The following SGCD variants were observed in gnomAD, a reference collection of about 807,000 sequenced individuals.
The protein encoded by SGCD is sarcoglycan delta, also known as delta-sarcoglycan.
SGCD carries 18 observed loss-of-function variants against 36.6 expected under a neutral mutation model. The ratio of observed to expected loss-of-function variants is 0.49; its 90% CI spans 0.34 to 0.73. The LOEUF is 0.73. Ranked by LOEUF, SGCD falls within the 30% of genes least tolerant of loss-of-function variation. The probability of loss-of-function intolerance (pLI) is 0.01; values close to 1 mark genes in which losing one functional copy is unlikely to be tolerated. For synonymous variants in SGCD, 133 were observed against 130.6 expected, an observed-to-expected ratio of 1.02 and a Z score of -0.12; for missense variants, 387 against 346.7, an observed-to-expected ratio of 1.12 and a Z score of -0.92.
upstream of SGCD, among the ~76,000 whole-genome samples, chr5:156,323,070 C>A (rs1199804624): frequency 1.3e-5 from 2 of 152,162 alleles, no homozygotes; most frequent in Non-Finnish European, 2.9e-5. Context: ...TAATATAAAT[C>A]TAGGCCTGAA....
At chr5:156,188,309 A>G (rs1309196107) in intron 3 of SGCD, among the ~76,000 whole-genome samples, 3 of 152,230 alleles carry the variant, frequency 2.0e-5, no homozygotes, top group African/African-American at 4.8e-5. Flanking sequence ...CAGTCAAAAA[A>G]TAATAAACCT....
At chr5:155,852,374 G>A in the SGCD span, among the ~76,000 whole-genome samples, 7 of 152,056 alleles carry the variant, frequency 4.6e-5, no homozygotes, top group Non-Finnish European at 7.4e-5. Context: ...TGGTTTTTTG[G>A]TGTGTGCAGA....
At chr5:156,419,110 T>C (rs1201236569) in intron 3 of SGCD, among the ~76,000 whole-genome samples, 2 of 152,150 alleles carry the variant, frequency 1.3e-5, no homozygotes, top group Non-Finnish European at 2.9e-5. Flanking sequence ...ACCCACAGAA[T>C]GCAGGTATAT....
chr5:156,506,517 A>G (rs2127872052), intron 3 of SGCD, among the ~76,000 whole-genome samples: 1 of 152,234 alleles, frequency 6.6e-6, no homozygotes, highest in South Asian at 2.1e-4. Flanking sequence ...AAAATGGCTG[A>G]TTGCAGTCCT....
chr5:156,090,940 T>C (rs115141978), intron 1 of SGCD, among the ~76,000 whole-genome samples: 2,289 of 152,320 alleles, frequency 0.015, 44 homozygotes, highest in African/African-American at 0.046. Flanking sequence ...TCAGACCTTA[T>C]GGTTATTTTT....
the SGCD span, among the ~76,000 whole-genome samples, chr5:155,787,524 G>A: frequency 2.1e-3 from 314 of 152,210 alleles, 2 homozygotes; most frequent in Middle Eastern, 6.8e-3. Context: ...AGGGACACTC[G>A]GCCACTCTGC....
intron 3 of SGCD, among the ~76,000 whole-genome samples, chr5:156,406,805 TATATATATATATATACACACAC>T (rs1175402669): frequency 2.4e-5 from 2 of 84,138 alleles, no homozygotes; most frequent in African/African-American, 6.7e-5. Context: ...TATATATATA[TATATATATATATATACACACAC>T]ACACACACAC....
At chr5:155,784,640 C>CTTTT in the SGCD span, among the ~76,000 whole-genome samples, 33 of 134,546 alleles carry the variant, frequency 2.5e-4, 1 homozygote, top group South Asian at 1.2e-3. Flanking sequence ...GTAAGAGCTC[C>CTTTT]TTTTTTTTTT....
intron 1 of SGCD, among the ~76,000 whole-genome samples, chr5:155,952,120 G>A (rs924070741): frequency 2.5e-4 from 38 of 152,184 alleles, no homozygotes; most frequent in African/African-American, 8.7e-4. Context: ...TCTTCTTTGG[G>A]CTAATTGCCT....
intron 3 of SGCD, among the ~76,000 whole-genome samples, chr5:156,206,660 A>G (rs1165839891): frequency 6.6e-6 from 1 of 152,108 alleles, no homozygotes; most frequent in Non-Finnish European, 1.5e-5. Context: ...AGTATGGGAC[A>G]CCAAGGCATT....
chr5:156,317,846 G>A (rs570134589), intron 3 of SGCD, among the ~76,000 whole-genome samples: 1 of 152,296 alleles, frequency 6.6e-6, no homozygotes, highest in South Asian at 2.1e-4. Flanking sequence ...ATCTTAGTGA[G>A]AGAGGATGAA....
intron 3 of SGCD, among the ~76,000 whole-genome samples, chr5:156,154,588 A>G (rs768388805): frequency 3.3e-5 from 5 of 151,650 alleles, no homozygotes; most frequent in South Asian, 2.1e-4. Context: ...AACATTTACT[A>G]TGTGCTAGGT....
the SGCD span, among the ~76,000 whole-genome samples, chr5:155,744,988 C>A: frequency 3.3e-5 from 5 of 152,154 alleles, no homozygotes; most frequent in Admixed American, 3.3e-4. Context: ...ATTCAGAGAG[C>A]AAAGACAGAT....
chr5:156,349,447 G>T (rs1156743904), intron 3 of SGCD, among the ~76,000 whole-genome samples: 2 of 151,648 alleles, frequency 1.3e-5, no homozygotes, highest in African/African-American at 4.8e-5. Flanking sequence ...GGCATGAATA[G>T]AAATTTCTCA....
intron 7 of SGCD, among the ~76,000 whole-genome samples, chr5:156,697,664 C>A (rs2113721394): frequency 6.6e-6 from 1 of 152,236 alleles, no homozygotes; most frequent in East Asian, 1.9e-4. Flanking sequence ...CCTTACTGGT[C>A]TGTGAGCTTT....
At chr5:156,245,711 A>G (rs887477763) in intron 3 of SGCD, among the ~76,000 whole-genome samples, 3 of 152,158 alleles carry the variant, frequency 2.0e-5, no homozygotes, top group South Asian at 2.1e-4. Context: ...CACCATGGGG[A>G]TGCAACCAAC....
the SGCD span, chr5:155,845,454 C>T: frequency 1.3e-5 from 2 of 152,360 alleles, no homozygotes; most frequent in Non-Finnish European, 2.9e-5. Flanking sequence ...GCCATACCAC[C>T]CTGAACGCGC....
At chr5:156,306,289 A>G (rs2135034) in intron 3 of SGCD, among the ~76,000 whole-genome samples, 71,313 of 151,824 alleles carry the variant, frequency 0.47, 18,153 homozygotes, top group East Asian at 0.83. Context: ...TGTTCTCATG[A>G]TAGTGAATGA....
chr5:155,891,503 T>G (rs1285097527), intron 1 of SGCD, among the ~76,000 whole-genome samples: 2 of 143,676 alleles, frequency 1.4e-5, no homozygotes, highest in African/African-American at 5.1e-5. Flanking sequence ...TCACTGTTGA[T>G]GATGACTATA....
Sources: allele counts gnomAD v4.1 joint callset (sites outside exome capture counted in the v4.1 genomes callset), GRCh38; gene constraint gnomAD v4.1.1; transcripts MANE v1.5; gene names NCBI Gene and HGNC (gene_info 2026-07-23, HGNC 2026-07-21).